The following MOCS1 variants were observed in gnomAD, a reference collection of about 807,000 sequenced individuals.
MOCS1 encodes molybdenum cofactor synthesis 1.
Under a neutral mutation model 57.6 loss-of-function variants are expected in MOCS1, and 39 were observed. The observed-to-expected ratio is 0.68, with a 90% CI of 0.52 to 0.88. The LOEUF is 0.88. MOCS1 is among the 40% of genes least tolerant of loss of function. MOCS1 has a pLI of 0.00. For missense variants in MOCS1, 795 were observed against 831.1 expected, an observed-to-expected ratio of 0.96 and a Z score of 0.53; for synonymous variants, 334 against 335.7, an observed-to-expected ratio of 1.00 and a Z score of 0.05.
At chr6:39,913,276 A>C in intron 6 of MOCS1, 41 bp downstream of exon 6, 1 of 1,564,898 alleles carries the variant, frequency 6.4e-7, no homozygotes, top group Non-Finnish European at 8.8e-7. Flanking sequence ...CTGCAGGCCC[A>C]ACCCCTTCTT....
intron 3 of MOCS1, among the ~76,000 whole-genome samples, chr6:39,922,729 C>T (rs1020807107): frequency 6.6e-6 from 1 of 152,160 alleles, no homozygotes; most frequent in Non-Finnish European, 1.5e-5. Flanking sequence ...TCTGCAGCAC[C>T]TCTCAAAGGC....
At chr6:39,916,985 T>C (rs1767695862) in intron 3 of MOCS1, among the ~76,000 whole-genome samples, 1 of 152,150 alleles carries the variant, frequency 6.6e-6, no homozygotes, top group South Asian at 2.1e-4. Flanking sequence ...AGGGGAGTTA[T>C]ATTTGAAGGA....
intron 3 of MOCS1, among the ~76,000 whole-genome samples, chr6:39,921,363 C>A (rs929875974): frequency 6.6e-6 from 1 of 151,592 alleles, no homozygotes; most frequent in South Asian, 2.1e-4. Context: ...CGCACCACTG[C>A]ACTCCAGCCT....
chr6:39,925,619 A>G (rs570500484), intron 3 of MOCS1, 59 bp downstream of exon 3: 676 of 1,598,324 alleles, frequency 4.2e-4, no homozygotes, highest in Non-Finnish European at 4.8e-4. Flanking sequence ...CATCGGCATC[A>G]GTGTCCAGCC....
At chr6:39,912,762 C>A (rs991132200) in intron 7 of MOCS1, 130 bp downstream of exon 7, 2 of 810,002 alleles carry the variant, frequency 2.5e-6, no homozygotes, top group African/African-American at 3.3e-5. Context: ...AGCACTGATG[C>A]TTCCTGCTTA....
Position 39,913,330 on chromosome 6 carries a change from AT to A in MOCS1, c.743del (p.Tyr248LeufsTer21). The A allele has an allele frequency of 6.2e-7, 1 of 1,614,114 alleles. No individual in the cohort carries two copies. The highest frequency in any genetic ancestry group is 8.5e-7 in the Non-Finnish European group (1 of 1,179,970). On this transcript the variant is annotated frameshift_variant, in exon 6 of 11. Transcript: ENST00000340692. LOFTEE classifies it high-confidence loss of function. ...GLPLDVRFIE[Y>X]MPFDGNKWNF... is the part of the protein sequence containing the mutation. ...CTGGTCACTGACCATCAAAGGGCATATACTCTATGAAGCGCACATCCAGGGG... is the reference window on the plus strand; with the variant it reads ...CTGGTCACTGACCATCAAAGGGCATAACTCTATGAAGCGCACATCCAGGGG...
At chr6:39,910,019 G>T in intron 8 of MOCS1, 64 bp from the exon 9 acceptor site, 1 of 1,604,090 alleles carries the variant, frequency 6.2e-7, no homozygotes, top group Non-Finnish European at 8.5e-7. Context: ...GGCCTCTGAG[G>T]AGCTAACTCC....
rs1271936940 is a variant in MOCS1, at chr6:39,927,487, C to T, written c.124-32G>A. 2 of 1,609,560 alleles carry T rather than the reference C, an allele frequency of 1.2e-6. No individual in the cohort carries two copies. The highest frequency in any genetic ancestry group is 2.7e-5 in the African/African-American group (2 of 74,866). On this transcript the variant is annotated intron_variant, in intron 1 of 10. Transcript: ENST00000340692. ...GGACAGACCAGGGAGGAAGCATGGG[C>T]CCCTGCTACCGGGCTGGGAAGAGGC...
At position 39,913,721 on chromosome 6, in the gene MOCS1, G is replaced by C. The variant is rs551150868; in HGVS notation, c.645+53C>G. ...TGGGCCAAGGGGCGGTGAGGGGAAG[G>C]CCAGGGCAGTGTGGAGGGAAGTCGG... On this transcript the variant is annotated intron_variant, in intron 5 of 10. Coordinates refer to ENST00000340692, the MANE Select transcript of MOCS1 (RefSeq NM_001358530.2). 22 of 1,590,992 alleles carry C rather than the reference G, an allele frequency of 1.4e-5. 1 individual carries two copies. The South Asian group carries it at 2.3e-4, about 17-fold the overall frequency.
chr6:39,906,004 G>C lies in MOCS1; in HGVS notation c.*353C>G, dbSNP rs761754288. The C allele has an allele frequency of 5.4e-5, 27 of 498,248 alleles. No individual in the cohort carries two copies. The highest frequency in any genetic ancestry group is 5.2e-4 in the African/African-American group (27 of 51,624). The allele number at this position is 498,248 out of a possible 1,614,324, so 30.9% of individuals were successfully genotyped here. A position where few individuals can be genotyped will look rare whatever the true frequency, so the allele number is the denominator to read the frequency against. Reference sequence around the variant, plus strand: ...CAGGAGAAGAGAAAACCCAAAATGAGAAGGAAAAGTTCTGGGCTGGACTGT... The same window carrying C: ...CAGGAGAAGAGAAAACCCAAAATGACAAGGAAAAGTTCTGGGCTGGACTGT... On this transcript the variant is annotated 3_prime_UTR_variant, in exon 11 of 11. Transcript: ENST00000340692.
chr6:39,925,808 G>T lies in MOCS1; in HGVS notation c.288C>A (p.Thr96=), dbSNP rs777029725. 1 of 1,612,748 alleles carries T rather than the reference G, an allele frequency of 6.2e-7. No individual in the cohort carries two copies. Among genetic ancestry groups the T allele is most frequent in the Admixed American group, 1.7e-5 (1 of 60,030 alleles). The change falls in exon 3 of 11, where the codon ACC becomes ACA. Residue 96 remains threonine (T), a synonymous_variant. Transcript: ENST00000340692. Reference sequence around the variant, plus strand: ...CTGTGGTCAGCAGGTTGGCTTTGGGGGTCAGCGGGACCCCCTCCTCGGGCA... The same window carrying T: ...CTGTGGTCAGCAGGTTGGCTTTGGGTGTCAGCGGGACCCCCTCCTCGGGCA... ...YCMPEEGVPL[T]PKANLLTTEE... is the part of the protein sequence containing the mutation.
chr6:39,905,121 CA>C lies in MOCS1; in HGVS notation c.*1235del, dbSNP rs1766777961. On this transcript the variant is annotated 3_prime_UTR_variant, in exon 11 of 11. Coordinates refer to ENST00000340692, the MANE Select transcript of MOCS1 (RefSeq NM_001358530.2). ...TGGCATAGGGCAGAGGGGAGGCAGG[CA>C]GGGGGCACCACTGAGGACTCAAAGA... is the stretch of plus-strand genomic sequence containing the variant. The C allele has an allele frequency of 2.2e-6, 1 of 454,400 alleles. No individual in the cohort carries two copies. The highest frequency in any genetic ancestry group is 4.4e-6 in the Non-Finnish European group (1 of 226,920). 28.1% of individuals were successfully genotyped at this position (454,400 alleles called of 1,614,324 possible).
chr6:39,925,899 C>G (rs1768267420), intron 2 of MOCS1, 54 bp from the exon 3 acceptor site: 1 of 1,548,912 alleles, frequency 6.5e-7, no homozygotes, highest in South Asian at 1.2e-5. Flanking sequence ...CGGCCACAGC[C>G]CCGTGATGCC....
chr6:39,912,813 A>G, intron 7 of MOCS1, 79 bp downstream of exon 7: 2 of 1,091,774 alleles, frequency 1.8e-6, no homozygotes, highest in East Asian at 2.3e-5. Context: ...ACCACAGTGC[A>G]GCTCCCTGCT....
rs547486278 is a variant in MOCS1, at chr6:39,904,772, T to C, written c.*1585A>G. 5 of 454,160 alleles carry C rather than the reference T, an allele frequency of 1.1e-5. No homozygotes were observed. In the East Asian group the frequency reaches 3.5e-4, roughly 32 times the overall value. 28.1% of individuals were successfully genotyped at this position (454,160 alleles called of 1,614,324 possible). A position where few individuals can be genotyped will look rare whatever the true frequency, so the allele number is the denominator to read the frequency against. On this transcript the variant is annotated 3_prime_UTR_variant, in exon 11 of 11. Transcript: ENST00000340692. The stretch of plus-strand genomic sequence containing the variant: ...AGCTGCCTCAGATGACAAATGAGGC[T>C]AATGGACATAATCTACAGTGTCCTT...
Position 39,906,622 on chromosome 6 carries a change from T to C in MOCS1, c.1646A>G (p.Gln549Arg). 6.2e-7 allele frequency: 1 copy of C among 1,613,918 alleles called. No homozygotes were observed. Among genetic ancestry groups the C allele is most frequent in the Non-Finnish European group, 8.5e-7 (1 of 1,180,046 alleles). Residue 549 changes from glutamine to arginine, a missense_variant, in exon 11 of 11, where the codon CAG becomes CGG. Around this residue, in one of 3 missense-constraint regions of MOCS1, gnomAD observed 374 missense variants for 422.6 expected, o/e 0.89. Coordinates refer to ENST00000340692, the MANE Select transcript of MOCS1 (RefSeq NM_001358530.2). The part of the protein sequence containing the change: ...AGVQAAKVTS[Q>R]LIPLCHHVAL... ...CACGTGGTGGCACAGAGGGATCAGC[T>C]GGCTGGTCACCTTGGCTGCCTGGAC...
In MOCS1 at chr6:39,906,320, C is replaced by T. The variant is rs1466843783; in HGVS notation, c.*37G>A. On this transcript the variant is annotated 3_prime_UTR_variant, in exon 11 of 11. Coordinates refer to ENST00000340692, the MANE Select transcript of MOCS1 (RefSeq NM_001358530.2). ...CCTCAGCCTACATTGCATCCCAGCT[C>T]CAGGCCTGGGTGGGCCATGGGTGAG... The T allele has an allele frequency of 4.4e-6, 7 of 1,600,324 alleles. No homozygotes were observed. In the East Asian group the frequency reaches 1.1e-4, roughly 26 times the overall value.
chr6:39,919,152 T>G (rs1180939290), intron 3 of MOCS1, among the ~76,000 whole-genome samples: 1 of 152,114 alleles, frequency 6.6e-6, no homozygotes, highest in Non-Finnish European at 1.5e-5. Flanking sequence ...ATCCCCTTAC[T>G]GAAGAAATCA....
At chr6:39,918,658 G>GAT (rs1767795043) in intron 3 of MOCS1, among the ~76,000 whole-genome samples, 1 of 152,112 alleles carries the variant, frequency 6.6e-6, no homozygotes, top group African/African-American at 2.4e-5. Context: ...TCATACATTA[G>GAT]GGTGTAGGGA....
Sources: gnomAD v4.1 joint callset for allele counts (sites outside exome capture counted in the v4.1 genomes callset) on GRCh38, gnomAD v4.1.1 for gene constraint, gnomAD v4.1.1 regional missense constraint, MANE v1.5 for transcripts, NCBI Gene and HGNC (gene_info 2026-07-23, HGNC 2026-07-21) for gene names.